WDR70: variants seen among roughly 807,000 people sequenced by gnomAD.
WDR70 encodes WD repeat domain 70.
A neutral mutation model predicts 88.6 loss-of-function variants in WDR70; 53 were observed. The ratio of observed to expected loss-of-function variants is 0.60; its 90% CI spans 0.48 to 0.75. WDR70 has a LOEUF of 0.75. Among genes scored for constraint, WDR70 ranks in the 30% least tolerant of loss-of-function variants. WDR70 has a pLI of 0.00. For missense variants in WDR70, 610 were observed against 823.2 expected (o/e 0.74, Z 3.17); for synonymous variants, 280 against 270.0 (o/e 1.04, Z -0.36).
intron 7 of WDR70, among the ~76,000 whole-genome samples, chr5:37,472,025 T>C (rs1237030927): frequency 6.6e-6 from 1 of 151,950 alleles, no homozygotes; most frequent in Admixed American, 6.6e-5. Context: ...AGATATTTGT[T>C]ATAGTTTTTT....
chr5:37,599,387 TACTC>T (rs1743796032), intron 9 of WDR70, among the ~76,000 whole-genome samples: 2 of 152,194 alleles, frequency 1.3e-5, no homozygotes, highest in African/African-American at 2.4e-5. Context: ...CTCTGGAACA[TACTC>T]AGAATATTCA....
chr5:37,415,372 C>T (rs1319700989), intron 5 of WDR70, among the ~76,000 whole-genome samples: 4 of 131,400 alleles, frequency 3.0e-5, no homozygotes, highest in Non-Finnish European at 5.3e-5. Flanking sequence ...GCAGAGGCAC[C>T]CCTCACCTCC....
chr5:37,653,040 A>C (rs989231519), intron 10 of WDR70, among the ~76,000 whole-genome samples: 1 of 152,198 alleles, frequency 6.6e-6, no homozygotes, highest in Non-Finnish European at 1.5e-5. Flanking sequence ...GAATGCTTCC[A>C]GCTTTTTCCC....
chr5:37,464,497 G>A (rs1739100298), intron 7 of WDR70, among the ~76,000 whole-genome samples: 1 of 152,140 alleles, frequency 6.6e-6, no homozygotes, highest in South Asian at 2.1e-4. Flanking sequence ...GGGTTTTGGA[G>A]CAATGAGGAT....
intron 7 of WDR70, among the ~76,000 whole-genome samples, chr5:37,452,489 C>G (rs965562678): frequency 6.6e-6 from 1 of 152,318 alleles, no homozygotes; most frequent in African/African-American, 2.4e-5. Flanking sequence ...TGGTCCTGAA[C>G]TCTTGACCTC....
intron 9 of WDR70, among the ~76,000 whole-genome samples, chr5:37,539,236 A>G (rs1358953474): frequency 6.6e-6 from 1 of 152,178 alleles, no homozygotes; most frequent in Non-Finnish European, 1.5e-5. Flanking sequence ...TTCTTGTTAT[A>G]CACTGTGATT....
At chr5:37,422,905 C>T (rs1749989596) in intron 5 of WDR70, among the ~76,000 whole-genome samples, 1 of 152,088 alleles carries the variant, frequency 6.6e-6, no homozygotes, top group Non-Finnish European at 1.5e-5. Flanking sequence ...TGAGATTATA[C>T]TTGTGAGCCA....
At position 37,437,923 on chromosome 5, in the gene WDR70, A is replaced by G; in HGVS notation, c.494A>G (p.Asn165Ser). Residue 165 changes from asparagine (N) to serine (S), a missense_variant and splice_region_variant, in exon 6 of 18, where the codon AAT becomes AGT. Physicochemically the swap from Asn to Ser is conservative, Grantham distance 46. Transcript: ENST00000265107. ...TGTCATGGGGTTTTCTTGTTTCAGA[A>G]TCCTGTTCACAAGATTCCTGACTCG... ...EEEEEEEEEE[N>S]PVHKIPDSHE... is the part of the protein sequence containing the mutation. 2 of 1,606,624 alleles carry G rather than the reference A, an allele frequency of 1.2e-6. No homozygotes were observed. The highest frequency in any genetic ancestry group is 2.2e-5 in the South Asian group (2 of 89,994).
chr5:37,480,120 C>G (rs1739617853), intron 8 of WDR70, 133 bp downstream of exon 8: 3 of 1,150,828 alleles, frequency 2.6e-6, no homozygotes, highest in Non-Finnish European at 3.6e-6. Context: ...TTCTCACAAT[C>G]ATGTGGATTG....
At chr5:37,721,515 G>GTGGT in intron 14 of WDR70, 1 of 365,898 alleles carries the variant, frequency 2.7e-6, no homozygotes, top group Non-Finnish European at 5.1e-6. Flanking sequence ...ACCCTGGACA[G>GTGGT]AGGCATTAGC....
At chr5:37,615,307 A>AT (rs1286358499) in intron 10 of WDR70, among the ~76,000 whole-genome samples, 4 of 152,088 alleles carry the variant, frequency 2.6e-5, no homozygotes, top group East Asian at 3.8e-4. Flanking sequence ...AAAAAAAGTG[A>AT]TTTTCCAGAG....
At chr5:37,587,258 C>A (rs1370007588) in intron 9 of WDR70, among the ~76,000 whole-genome samples, 1 of 152,066 alleles carries the variant, frequency 6.6e-6, no homozygotes, top group Non-Finnish European at 1.5e-5. Flanking sequence ...ATACCCTTTA[C>A]AATCTGGTAC....
intron 10 of WDR70, among the ~76,000 whole-genome samples, chr5:37,694,668 G>A (rs1394968811): frequency 2.6e-5 from 4 of 151,990 alleles, no homozygotes; most frequent in Admixed American, 6.6e-5. Context: ...GACACAGGGC[G>A]GGGAACATCA....
At chr5:37,464,899 A>G (rs1739110788) in intron 7 of WDR70, among the ~76,000 whole-genome samples, 1 of 152,198 alleles carries the variant, frequency 6.6e-6, no homozygotes, top group South Asian at 2.1e-4. Flanking sequence ...TCCTCTTACA[A>G]TGTCGATCTA....
chr5:37,500,716 CTTTTT>C (rs550821207), intron 8 of WDR70, among the ~76,000 whole-genome samples: 2 of 63,272 alleles, frequency 3.2e-5, no homozygotes, highest in African/African-American at 5.3e-5. Context: ...TATTTGTTGG[CTTTTT>C]TTTTTTTTTT....
intron 10 of WDR70, among the ~76,000 whole-genome samples, chr5:37,667,095 C>G (rs151092207): frequency 7.1e-4 from 108 of 152,256 alleles, no homozygotes; most frequent in African/African-American, 2.5e-3. Context: ...TGAAACACTA[C>G]TAGCTTCTGC....
chr5:37,727,509 C>T (rs1173011858), intron 17 of WDR70, among the ~76,000 whole-genome samples: 2 of 152,182 alleles, frequency 1.3e-5, no homozygotes, highest in Admixed American at 1.3e-4. Flanking sequence ...GGGAGTGGTT[C>T]CTAAAGCTAT....
rs556804259 is a variant in WDR70, at chr5:37,517,535, T to C, written c.917+945T>C. ...GGCATGCATCACCACACCAGGCTAA[T>C]TTTGTATTTTTAGTAGAGATGGGGT... On this transcript the variant is annotated intron_variant, in intron 9 of 17. Transcript: ENST00000265107. 2.0e-5 allele frequency among the ~76,000 whole-genome samples: 3 copies of C among 152,152 alleles called. No homozygotes were observed. In the East Asian group the frequency reaches 5.8e-4, roughly 29 times the overall value.
At chr5:37,532,464 T>G (rs1741525715) in intron 9 of WDR70, among the ~76,000 whole-genome samples, 1 of 152,176 alleles carries the variant, frequency 6.6e-6, no homozygotes. Context: ...TAAAAATTCT[T>G]TCTTCTTTGT....
Sources: gnomAD v4.1 joint callset for allele counts (sites outside exome capture counted in the v4.1 genomes callset) on GRCh38, gnomAD v4.1.1 for gene constraint, MANE v1.5 for transcripts, NCBI Gene and HGNC (gene_info 2026-07-23, HGNC 2026-07-21) for gene names.